TICRR: variants seen among roughly 807,000 people sequenced by gnomAD.
The protein encoded by TICRR is TOPBP1 interacting checkpoint and replication regulator, also known as treslin.
TICRR carries 132 observed loss-of-function variants against 178.1 expected under a neutral mutation model. That is an observed-to-expected ratio of 0.74 (90% confidence interval 0.64 to 0.86). The LOEUF (loss-of-function observed/expected upper bound fraction) is 0.86. TICRR is among the 40% of genes least tolerant of loss of function. The pLI is 0.00. For synonymous variants in TICRR, 991 were observed against 900.7 expected (o/e 1.10, Z -1.79); for missense variants, 2,587 against 2,334.3 (o/e 1.11, Z -2.23).
chr15:89,575,510 C>T lies in TICRR; in HGVS notation c.-77C>T, dbSNP rs1962592622. 5.2e-6 allele frequency: 7 copies of T among 1,342,280 alleles called. No individual in the cohort carries two copies. In the Admixed American group the frequency reaches 1.3e-4, roughly 24 times the overall value. The allele number at this position is 1,342,280 out of a possible 1,614,324, so 83.1% of individuals were successfully genotyped here. ...TCCCAAAGGAAAGCAGTGAGTGGTGCTGTTTCCCTGAAGGAAGGGACTAAG... is the reference window on the plus strand; with the variant it reads ...TCCCAAAGGAAAGCAGTGAGTGGTGTTGTTTCCCTGAAGGAAGGGACTAAG... On this transcript the variant is annotated 5_prime_UTR_variant, in exon 1 of 22. Transcript: ENST00000268138.
chr15:89,610,669 T>C (rs1963243038), intron 15 of TICRR, among the ~76,000 whole-genome samples: 3 of 152,212 alleles, frequency 2.0e-5, no homozygotes, highest in Admixed American at 1.3e-4. Context: ...TGCTTTTCAA[T>C]TGCAGTGCTT....
At chr15:89,616,580 C>T (rs779571065) in intron 16 of TICRR, 85 bp downstream of exon 16, 18 of 1,020,804 alleles carry the variant, frequency 1.8e-5, no homozygotes, top group Middle Eastern at 4.5e-4. Context: ...CTTCTCTTGA[C>T]CTTCATGACT....
chr15:89,587,045 G>A (rs1182172549), intron 4 of TICRR, among the ~76,000 whole-genome samples: 1 of 152,206 alleles, frequency 6.6e-6, no homozygotes, highest in Non-Finnish European at 1.5e-5. Context: ...GGCAAGAGAT[G>A]GTGGGAAATG....
Position 89,627,224 on chromosome 15 carries a change from A to C in TICRR, c.*138A>C. The C allele has an allele frequency of 9.5e-7, 1 of 1,048,700 alleles. No homozygotes were observed. The highest frequency in any genetic ancestry group is 1.4e-6 in the Non-Finnish European group (1 of 730,296). The allele number at this position is 1,048,700 out of a possible 1,614,324, so 65.0% of individuals were successfully genotyped here. ...CCATTAGAATGCCTTAGGGTTTTCT[A>C]ATTCCCCTTATGGATCCAATCCATC... On this transcript the variant is annotated 3_prime_UTR_variant, in exon 22 of 22. Transcript: ENST00000268138.
Position 89,584,408 on chromosome 15 carries a change from A to G in TICRR, c.1057A>G (p.Thr353Ala), listed in dbSNP as rs1366141835. The change falls in exon 3 of 22, where the codon ACG becomes GCG. Residue 353 changes from threonine (T) to alanine (A), a missense_variant. Transcript: ENST00000268138. The part of the protein sequence containing the change: ...KGSVAQWSLP[T>A]SSTLGTDSWM... The stretch of plus-strand genomic sequence containing the variant: ...CTCAGTGGCCCAGTGGTCTCTCCCA[A>G]CGAGCAGCACTTTGGGCACTGACAG... The G allele has an allele frequency of 1.2e-6, 2 of 1,614,154 alleles. No homozygotes were observed. Among genetic ancestry groups the G allele is most frequent in the East Asian group, 2.2e-5 (1 of 44,880 alleles).
Position 89,582,760 on chromosome 15 carries a change from G to A in TICRR, c.729G>A (p.Leu243=), listed in dbSNP as rs200368092. 6.2e-7 allele frequency: 1 copy of A among 1,613,486 alleles called. No individual in the cohort carries two copies. The highest frequency in any genetic ancestry group is 1.1e-5 in the South Asian group (1 of 91,004). ...ELLHHGGGTV[L]PSESFSWDFA... ...TCCACCACGGAGGTGGCACTGTCTT[G>A]CCATCTGAATCTTTCAGCTGGGATT... Residue 243 remains leucine (L), a synonymous_variant, in exon 2 of 22, where the codon TTG becomes TTA. Coordinates refer to ENST00000268138, the MANE Select transcript of TICRR (RefSeq NM_152259.4).
At chr15:89,605,960 G>A (rs1236054997) in intron 13 of TICRR, among the ~76,000 whole-genome samples, 2 of 152,106 alleles carry the variant, frequency 1.3e-5, no homozygotes, top group Non-Finnish European at 2.9e-5. Context: ...TGAGAGTATA[G>A]CCTCCCTCTA....
In TICRR at chr15:89,575,669, T is replaced by C. The variant is rs1169127348; in HGVS notation, c.83T>C (p.Leu28Pro). ...ARHSRVRRAA[L>P]RLLTYLSCRF... ...CACAGCCGGGTCCGGCGGGCCGCCC[T>C]GCGCCTCCTCACCTATCTGAGTTGC... is the stretch of plus-strand genomic sequence containing the variant. Residue 28 changes from leucine (L) to proline (P), a missense_variant, in exon 1 of 22, where the codon CTG (leucine) becomes CCG (proline). Coordinates refer to ENST00000268138, the MANE Select transcript of TICRR (RefSeq NM_152259.4). 12 of 1,587,232 alleles carry C rather than the reference T, an allele frequency of 7.6e-6. No individual in the cohort carries two copies. The highest frequency in any genetic ancestry group is 6.0e-6 in the Non-Finnish European group (7 of 1,169,012).
chr15:89,611,963 C>G (rs1171520839), intron 15 of TICRR, among the ~76,000 whole-genome samples: 1 of 152,124 alleles, frequency 6.6e-6, no homozygotes, highest in African/African-American at 2.4e-5. Flanking sequence ...ATTCCAATGT[C>G]TTGGCTTCCT....
Position 89,624,254 on chromosome 15 carries a change from C to G in TICRR, c.3944C>G (p.Pro1315Arg), listed in dbSNP as rs1963473388. 1 of 1,614,096 alleles carries G rather than the reference C, an allele frequency of 6.2e-7. No homozygotes were observed. The highest frequency in any genetic ancestry group is 1.3e-5 in the African/African-American group (1 of 74,928). ...ACGCCAAAGAAACTGTTTACCTCTC[C>G]TTTATGTGATGTCTCCAAGAAGAGT... Reference protein sequence around the residue: ...PVTPKKLFTSPLCDVSKKSPF... With the variant: ...PVTPKKLFTSRLCDVSKKSPF... Residue 1315 changes from proline to arginine, a missense_variant, in exon 20 of 22, where the codon CCT (proline) becomes CGT (arginine). By Grantham distance (103) the Pro-to-Arg change is moderately radical (BLOSUM62 -2). Coordinates refer to ENST00000268138, the MANE Select transcript of TICRR (RefSeq NM_152259.4).
chr15:89,602,051 C>T, intron 12 of TICRR, 75 bp downstream of exon 12: 2 of 1,550,900 alleles, frequency 1.3e-6, no homozygotes, highest in Non-Finnish European at 1.7e-6. Context: ...AACTACAGTC[C>T]AGTCATCTTT....
rs142757206 is a variant in TICRR at position 89,625,767 on chromosome 15, C to T, written c.5457C>T (p.Asp1819=). The change falls in exon 20 of 22, where the codon GAC becomes GAT. Residue 1819 remains aspartate (D), a synonymous_variant. Coordinates refer to ENST00000268138, the MANE Select transcript of TICRR (RefSeq NM_152259.4). The part of the protein sequence containing the change: ...WSAWQLPSTG[D]EEVFVSGSTP... ...CATGGCAGCTACCCTCCACGGGAGA[C>T]GAAGAGGTGTTTGTTTCCGGTGAGT... The T allele has an allele frequency of 5.4e-5, 86 of 1,604,346 alleles. No homozygotes were observed. The African/African-American group carries it at 5.8e-4, about 11-fold the overall frequency.
chr15:89,625,970 C>A lies in TICRR; in HGVS notation c.5511C>A (p.Ser1837Arg). The change falls in exon 21 of 22, where the codon AGC (serine) becomes AGA (arginine). Residue 1837 changes from serine (S) to arginine (R), a missense_variant. Transcript: ENST00000268138. ...CACCTCCCAGCTGTGCCGTGCGGAG[C>A]TGCCTCTCTGCCAGTGCCCTCCAGG... ...STPPPSCAVR[S>R]CLSASALQAL... 6.2e-7 allele frequency: 1 copy of A among 1,601,302 alleles called. No homozygotes were observed.
chr15:89,600,060 C>G (rs757596222), intron 8 of TICRR, among the ~76,000 whole-genome samples: 1 of 152,278 alleles, frequency 6.6e-6, no homozygotes, highest in East Asian at 1.9e-4. Flanking sequence ...GAGGCAAGAT[C>G]GTACCATTGC....
chr15:89,627,481 G>A lies in TICRR; in HGVS notation c.*395G>A, dbSNP rs893444425. The A allele has an allele frequency of 3.4e-5, 7 of 207,654 alleles. No homozygotes were observed. Among genetic ancestry groups the A allele is most frequent in the Admixed American group, 1.6e-4 (3 of 18,612 alleles). The allele number at this position is 207,654 out of a possible 1,614,324, so 12.9% of individuals were successfully genotyped here. On this transcript the variant is annotated 3_prime_UTR_variant, in exon 22 of 22. Transcript: ENST00000268138. Reference sequence around the variant, plus strand: ...AGCTGCTGTAAGGCTGGGCTGCTGCGACACAGGCAGCGCTTTGTAAACTGT... The same window carrying A: ...AGCTGCTGTAAGGCTGGGCTGCTGCAACACAGGCAGCGCTTTGTAAACTGT...
intron 15 of TICRR, among the ~76,000 whole-genome samples, chr15:89,612,477 A>T (rs1301965817): frequency 6.6e-6 from 1 of 152,162 alleles, no homozygotes; most frequent in Non-Finnish European, 1.5e-5. Flanking sequence ...CTGCCCTAGC[A>T]CCAGCCAGCT....
chr15:89,585,586 T>A, intron 3 of TICRR, 122 bp from the exon 4 acceptor site: 2 of 710,990 alleles, frequency 2.8e-6, no homozygotes, highest in Non-Finnish European at 4.8e-6. Context: ...CAAATCTATC[T>A]TTTTCATAGT....
intron 19 of TICRR, 80 bp downstream of exon 19, chr15:89,621,630 G>A: frequency 7.9e-7 from 1 of 1,263,948 alleles, no homozygotes; most frequent in African/African-American, 1.5e-5. Context: ...GAGTCCATTA[G>A]GGAAGAGAAA....
At position 89,584,522 on chromosome 15, in the gene TICRR, C is replaced by G. The variant is rs1423992109; in HGVS notation, c.1171C>G (p.His391Asp). The part of the protein sequence containing the change: ...LVSRLTAEEL[H>D]LVADVDPGEG... ...AAGCAGGCTGACTGCTGAAGAGTTA[C>G]ACCTGGTAGGTATCCTCCACACGGG... The change falls in exon 3 of 22, where the codon CAC becomes GAC. Residue 391 changes from histidine (H) to aspartate (D), a missense_variant. His to Asp is a moderately conservative substitution (Grantham distance 81). Coordinates refer to ENST00000268138, the MANE Select transcript of TICRR (RefSeq NM_152259.4). The G allele has an allele frequency of 6.4e-7, 1 of 1,566,804 alleles. No homozygotes were observed. Among genetic ancestry groups the G allele is most frequent in the Non-Finnish European group, 8.7e-7 (1 of 1,155,518 alleles).
Sources: gnomAD v4.1 joint callset for allele counts (sites outside exome capture counted in the v4.1 genomes callset) on GRCh38, gnomAD v4.1.1 for gene constraint, MANE v1.5 for transcripts, NCBI Gene and HGNC (gene_info 2026-07-23, HGNC 2026-07-21) for gene names.